Variants in NFAM1 observed in about 807,000 individuals in gnomAD.
The protein encoded by NFAM1 is NFAT activating protein with ITAM motif 1.
In NFAM1, 17 loss-of-function variants were observed where a neutral mutation model predicts 29.0. The ratio of observed to expected loss-of-function variants is 0.59; its 90% CI spans 0.40 to 0.88. NFAM1 has a LOEUF of 0.88. NFAM1 is among the 40% of genes least tolerant of loss of function. NFAM1 has a pLI of 0.00. For missense variants in NFAM1, 324 were observed against 344.6 expected (o/e 0.94, Z 0.47); for synonymous variants, 175 against 147.2 (o/e 1.19, Z -1.36).
At chr22:42,393,437 C>A (rs1929412720) in intron 4 of NFAM1, among the ~76,000 whole-genome samples, 1 of 151,830 alleles carries the variant, frequency 6.6e-6, no homozygotes, top group Non-Finnish European at 1.5e-5. Context: ...GAGTCGGAGT[C>A]TCGCTCTGTG....
chr22:42,414,181 C>T (rs1425350957), intron 1 of NFAM1, among the ~76,000 whole-genome samples: 1 of 152,210 alleles, frequency 6.6e-6, no homozygotes, highest in African/African-American at 2.4e-5. Context: ...TTGTAATTGA[C>T]ATAACGACAC....
At chr22:42,398,861 C>A (rs778880666) in intron 3 of NFAM1, among the ~76,000 whole-genome samples, 55 of 152,146 alleles carry the variant, frequency 3.6e-4, no homozygotes, top group Middle Eastern at 3.2e-3. Flanking sequence ...CACTGGCAAG[C>A]CAGGCAGTGT....
chr22:42,399,898 A>AGAAGCC (rs1929669593), intron 3 of NFAM1, among the ~76,000 whole-genome samples: 1 of 152,244 alleles, frequency 6.6e-6, no homozygotes, highest in African/African-American at 2.4e-5. Flanking sequence ...ACTCGCAGGC[A>AGAAGCC]GAAGCCGGCG....
chr22:42,393,588 T>TC (rs1424857489), intron 4 of NFAM1, among the ~76,000 whole-genome samples: 3 of 150,354 alleles, frequency 2.0e-5, no homozygotes, highest in African/African-American at 7.3e-5. Context: ...TTTTTTTTTT[T>TC]TGTATTTTTA....
At chr22:42,400,484 G>T (rs544142772) in intron 3 of NFAM1, among the ~76,000 whole-genome samples, 1 of 152,256 alleles carries the variant, frequency 6.6e-6, no homozygotes, top group East Asian at 1.9e-4. Context: ...CATGTGTGGT[G>T]GTGAGCACCT....
intron 3 of NFAM1, among the ~76,000 whole-genome samples, chr22:42,406,738 G>A (rs1467475719): frequency 6.6e-6 from 1 of 152,144 alleles, no homozygotes; most frequent in Non-Finnish European, 1.5e-5. Context: ...CGCCTCAACA[G>A]GAATGCCAAT....
chr22:42,393,729 A>G (rs1426064634), intron 4 of NFAM1, among the ~76,000 whole-genome samples: 1 of 151,704 alleles, frequency 6.6e-6, no homozygotes, highest in Non-Finnish European at 1.5e-5. Flanking sequence ...AAAAAAAAAA[A>G]GTTTAATTAG....
intron 1 of NFAM1, among the ~76,000 whole-genome samples, chr22:42,424,220 C>G (rs1193901469): frequency 6.6e-6 from 1 of 152,132 alleles, no homozygotes; most frequent in Non-Finnish European, 1.5e-5. Context: ...TTGAGACCAT[C>G]CTGGCTAACA....
chr22:42,385,073 T>G lies in NFAM1; in HGVS notation c.*88A>C. On this transcript the variant is annotated 3_prime_UTR_variant, in exon 6 of 6. Coordinates refer to ENST00000329021, the MANE Select transcript of NFAM1 (RefSeq NM_145912.8). Reference sequence around the variant, plus strand: ...AATGATGGGGTGTCCCTGGGGGCCTTACTCCCAACTCAGATCAAGTCCTTT... The same window carrying G: ...AATGATGGGGTGTCCCTGGGGGCCTGACTCCCAACTCAGATCAAGTCCTTT... 1.0e-6 allele frequency: 1 copy of G among 974,628 alleles called. No homozygotes were observed. Among genetic ancestry groups the G allele is most frequent in the Non-Finnish European group, 1.7e-6 (1 of 599,142 alleles). The allele number at this position is 974,628 out of a possible 1,614,324, so 60.4% of individuals were successfully genotyped here. A position where few individuals can be genotyped will look rare whatever the true frequency, so the allele number is the denominator to read the frequency against.
intron 3 of NFAM1, among the ~76,000 whole-genome samples, chr22:42,398,527 C>G (rs962363934): frequency 4.6e-5 from 7 of 151,940 alleles, no homozygotes; most frequent in Non-Finnish European, 1.0e-4. Flanking sequence ...ATTCTCCCGC[C>G]TCAGCCTCCT....
intron 1 of NFAM1, among the ~76,000 whole-genome samples, chr22:42,413,223 G>A (rs1288298831): frequency 6.6e-6 from 1 of 152,234 alleles, no homozygotes; most frequent in Non-Finnish European, 1.5e-5. Flanking sequence ...GAGATGCTCA[G>A]AGGAGCCGCA....
Position 42,411,546 on chromosome 22 carries a change from G to T in NFAM1, c.312C>A (p.Gly104=). ...KKPTNCHPGL[G]TENQSHTLDC... ...CCAGGGTGTGGCTCTGGTTCTCTGT[G>T]CCCAGTCCAGGGTGGCAGTTTGTTG... Residue 104 remains glycine, a synonymous_variant, in exon 2 of 6, where the codon GGC becomes GGA. Coordinates refer to ENST00000329021, the MANE Select transcript of NFAM1 (RefSeq NM_145912.8). 1 of 1,614,202 alleles carries T rather than the reference G, an allele frequency of 6.2e-7. No individual in the cohort carries two copies. Among genetic ancestry groups the T allele is most frequent in the Non-Finnish European group, 8.5e-7 (1 of 1,180,024 alleles).
intron 1 of NFAM1, among the ~76,000 whole-genome samples, chr22:42,415,936 G>A (rs879350906): frequency 4.6e-5 from 7 of 152,230 alleles, no homozygotes; most frequent in Admixed American, 1.3e-4. Context: ...AAAAGGGAAG[G>A]AGCAGAAAGA....
At chr22:42,415,747 A>G (rs1193121015) in intron 1 of NFAM1, among the ~76,000 whole-genome samples, 1 of 152,194 alleles carries the variant, frequency 6.6e-6, no homozygotes. Flanking sequence ...GCTGCCAACT[A>G]GAAGCGGTCC....
chr22:42,433,819 G>A (rs947205588), upstream of NFAM1, among the ~76,000 whole-genome samples: 1 of 152,164 alleles, frequency 6.6e-6, no homozygotes, highest in African/African-American at 2.4e-5. Context: ...ATGCAGACCC[G>A]CTGCTTCACG....
intron 1 of NFAM1, among the ~76,000 whole-genome samples, chr22:42,429,043 G>C (rs867011996): frequency 2.6e-5 from 4 of 152,208 alleles, no homozygotes; most frequent in Non-Finnish European, 5.9e-5. Flanking sequence ...ACAGGCCCAA[G>C]TCCCGGCTCA....
upstream of NFAM1, among the ~76,000 whole-genome samples, chr22:42,433,207 G>T (rs1007833663): frequency 6.6e-6 from 1 of 152,206 alleles, no homozygotes; most frequent in African/African-American, 2.4e-5. Context: ...CCACACATCT[G>T]CCTGCGTGTC....
intron 3 of NFAM1, among the ~76,000 whole-genome samples, chr22:42,405,794 C>T (rs1359520370): frequency 6.6e-6 from 1 of 152,182 alleles, no homozygotes; most frequent in African/African-American, 2.4e-5. Context: ...TCACTTCACC[C>T]TGAAGCTCAT....
intron 1 of NFAM1, 92 bp downstream of exon 1, chr22:42,432,145 G>T (rs1930823363): frequency 8.9e-7 from 1 of 1,126,578 alleles, no homozygotes; most frequent in Non-Finnish European, 1.3e-6. Context: ...CCCAGAGACA[G>T]GTCCCTGGGA....
Sources: gnomAD v4.1 joint callset for allele counts (sites outside exome capture counted in the v4.1 genomes callset) on GRCh38, gnomAD v4.1.1 for gene constraint, MANE v1.5 for transcripts, NCBI Gene and HGNC (gene_info 2026-07-23, HGNC 2026-07-21) for gene names.